Variants in NBAS observed in about 807,000 individuals in gnomAD.
The protein encoded by NBAS is NAG/BC035112 fusion.
In NBAS, 219 loss-of-function variants were observed where a neutral mutation model predicts 302.5. The ratio of observed to expected loss-of-function variants is 0.72; its 90% CI spans 0.65 to 0.81. NBAS has a LOEUF of 0.81. Among genes scored for constraint, NBAS ranks in the 30% least tolerant of loss-of-function variants. The probability of loss-of-function intolerance (pLI) is 0.00; values close to 1 mark genes in which losing one functional copy is unlikely to be tolerated. For missense variants in NBAS, 2,932 were observed against 2,841.6 expected (o/e 1.03, Z -0.72); for synonymous variants, 1,118 against 1,021.6 (o/e 1.09, Z -1.80).
At chr2:14,907,398 CT>C in the NBAS span, among the ~76,000 whole-genome samples, 4 of 152,256 alleles carry the variant, frequency 2.6e-5, no homozygotes, top group African/African-American at 9.6e-5. Context: ...CACAGGGCTT[CT>C]TTCTACACAC....
At chr2:14,870,900 T>C in the NBAS span, among the ~76,000 whole-genome samples, 3 of 151,852 alleles carry the variant, frequency 2.0e-5, no homozygotes, top group African/African-American at 7.3e-5. Flanking sequence ...AATGATGCAA[T>C]TGTTTAATAA....
At chr2:14,854,040 T>A in the NBAS span, among the ~76,000 whole-genome samples, 1 of 147,354 alleles carries the variant, frequency 6.8e-6, no homozygotes, top group Admixed American at 6.8e-5. Flanking sequence ...ACCTGCACAA[T>A]GTGCACATGT....
At chr2:14,922,439 G>A in the NBAS span, among the ~76,000 whole-genome samples, 35 of 152,306 alleles carry the variant, frequency 2.3e-4, 1 homozygote, top group Admixed American at 7.8e-4. Context: ...TCATTCTAAA[G>A]GCTGGAAGTT....
chr2:15,215,077 C>T (rs937899959), intron 48 of NBAS, among the ~76,000 whole-genome samples: 8 of 152,028 alleles, frequency 5.3e-5, no homozygotes, highest in African/African-American at 1.7e-4. Context: ...TAGAAAATTA[C>T]AAAAGCTGAA....
At chr2:14,926,105 T>C in the NBAS span, among the ~76,000 whole-genome samples, 1 of 152,170 alleles carries the variant, frequency 6.6e-6, no homozygotes, top group African/African-American at 2.4e-5. Context: ...CCTCCAGGAT[T>C]GTTAAATTCA....
At chr2:15,161,288 G>A in the NBAS span, among the ~76,000 whole-genome samples, 4 of 152,122 alleles carry the variant, frequency 2.6e-5, no homozygotes, top group Non-Finnish European at 2.9e-5. Flanking sequence ...ACATATAGGC[G>A]CTCAGTATAG....
At chr2:15,354,451 A>T (rs1404877427) in intron 33 of NBAS, among the ~76,000 whole-genome samples, 4 of 152,238 alleles carry the variant, frequency 2.6e-5, no homozygotes, top group Non-Finnish European at 5.9e-5. Context: ...TGAAGTAAAA[A>T]TTAATTCAGC....
chr2:15,060,135 A>C, the NBAS span, among the ~76,000 whole-genome samples: 1 of 152,146 alleles, frequency 6.6e-6, no homozygotes, highest in Non-Finnish European at 1.5e-5. Context: ...AGTCATCTAT[A>C]AAAGGGGGAT....
intron 6 of NBAS, among the ~76,000 whole-genome samples, chr2:15,549,598 C>T (rs545846628): frequency 7.2e-5 from 11 of 152,052 alleles, no homozygotes; most frequent in Middle Eastern, 3.4e-3. Context: ...CATGGTGACA[C>T]GCACCTGTAG....
intron 35 of NBAS, among the ~76,000 whole-genome samples, chr2:15,341,471 A>T (rs1672849622): frequency 6.6e-6 from 1 of 152,044 alleles, no homozygotes; most frequent in East Asian, 1.9e-4. Context: ...ACTGTAACTA[A>T]GATAGAAAAC....
chr2:15,487,119 T>C (rs1680662991), intron 12 of NBAS, among the ~76,000 whole-genome samples: 1 of 152,162 alleles, frequency 6.6e-6, no homozygotes, highest in Non-Finnish European at 1.5e-5. Context: ...GGGGGGAAAA[T>C]GCCTTTATTA....
chr2:15,488,109 T>C (rs1680710267), intron 12 of NBAS, among the ~76,000 whole-genome samples: 1 of 152,186 alleles, frequency 6.6e-6, no homozygotes, highest in African/African-American at 2.4e-5. Flanking sequence ...TAGGCTCTAA[T>C]ATGAAAATCT....
At chr2:15,511,408 CAA>C in intron 9 of NBAS, 58 bp from the exon 10 acceptor site, 2 of 1,505,064 alleles carry the variant, frequency 1.3e-6, no homozygotes, top group Admixed American at 3.4e-5. Flanking sequence ...AAGAGCAAAA[CAA>C]AGAGAGCAGA....
chr2:14,949,132 A>T, the NBAS span, among the ~76,000 whole-genome samples: 13 of 152,168 alleles, frequency 8.5e-5, no homozygotes, highest in Admixed American at 2.0e-4. Context: ...TGAAACTACG[A>T]AACTTCTAGA....
the NBAS span, among the ~76,000 whole-genome samples, chr2:15,146,299 C>T: frequency 1.3e-5 from 2 of 152,094 alleles, no homozygotes; most frequent in African/African-American, 4.8e-5. Context: ...CTAGTACGCA[C>T]TTAAAATGGC....
the NBAS span, among the ~76,000 whole-genome samples, chr2:15,042,421 GAAAC>G: frequency 0.82 from 124,847 of 151,900 alleles, 51,653 homozygotes; most frequent in East Asian, 0.99. Flanking sequence ...AGGAAGTAGA[GAAAC>G]AAAATCGATC....
the NBAS span, among the ~76,000 whole-genome samples, chr2:14,822,115 A>T: frequency 6.6e-6 from 1 of 152,212 alleles, no homozygotes; most frequent in African/African-American, 2.4e-5. Context: ...AAGCATGTTG[A>T]AATCTTGAAT....
chr2:15,386,336 A>T lies in NBAS; in HGVS notation c.3258-3019T>A, dbSNP rs142762467. On this transcript the variant is annotated intron_variant, in intron 28 of 51. Coordinates refer to ENST00000281513, the MANE Select transcript of NBAS (RefSeq NM_015909.4). ...GCCAGCTCTTAAAAGATAGGAAGGA[A>T]TATACAATAGTGTGTTTTTACTGCT... Among the ~76,000 whole-genome samples the T allele has an allele frequency of 2.8e-3, 430 of 152,342 alleles. 1 individual carries two copies. Among genetic ancestry groups the T allele is most frequent in the Middle Eastern group, 6.8e-3 (2 of 294 alleles).
chr2:15,395,778 T>G (rs1237172455), intron 27 of NBAS, among the ~76,000 whole-genome samples: 1 of 152,026 alleles, frequency 6.6e-6, no homozygotes, highest in African/African-American at 2.4e-5. Flanking sequence ...AATACAATAC[T>G]TAAAGTTAAA....
Sources: allele counts gnomAD v4.1 joint callset (sites outside exome capture counted in the v4.1 genomes callset), GRCh38; gene constraint gnomAD v4.1.1; transcripts MANE v1.5; gene names NCBI Gene and HGNC (gene_info 2026-07-23, HGNC 2026-07-21).